The following KDSR variants were observed in gnomAD, a reference collection of about 807,000 sequenced individuals.
The protein encoded by KDSR is 3-dehydrosphinganine reductase.
KDSR carries 23 observed loss-of-function variants against 41.3 expected under a neutral mutation model. The ratio of observed to expected loss-of-function variants is 0.56; its 90% CI spans 0.40 to 0.79. The LOEUF is 0.79. Ranked by LOEUF, KDSR falls within the 30% of genes least tolerant of loss-of-function variation. KDSR has a pLI of 0.00. For missense variants in KDSR, 351 were observed against 416.8 expected (o/e 0.84, Z 1.37); for synonymous variants, 138 against 151.7 (o/e 0.91, Z 0.66).
chr18:63,353,641 T>C (rs1034158132), intron 5 of KDSR, among the ~76,000 whole-genome samples: 31 of 151,968 alleles, frequency 2.0e-4, no homozygotes, highest in African/African-American at 7.3e-4. Flanking sequence ...CAAAGGAATA[T>C]CACCACCCTA....
rs561402775 is a variant in KDSR at position 63,329,805 on chromosome 18, A to G, written c.*1977T>C. 1 of 194,966 alleles carries G rather than the reference A, an allele frequency of 5.1e-6. No homozygotes were observed. Among genetic ancestry groups the G allele is most frequent in the Non-Finnish European group, 1.1e-5 (1 of 93,702 alleles). 12.1% of individuals were successfully genotyped at this position (194,966 alleles called of 1,614,324 possible). ...CAGCAGTAGAAGGTGCCAACATTCG[A>G]GGAACATTTATGAGAAAAGAATAAA... is the stretch of plus-strand genomic sequence containing the variant. On this transcript the variant is annotated 3_prime_UTR_variant, in exon 10 of 10. Coordinates refer to ENST00000645214, the MANE Select transcript of KDSR (RefSeq NM_002035.4).
At position 63,355,237 on chromosome 18, in the gene KDSR, T is replaced by G. The variant is rs1197978980; in HGVS notation, c.384A>C (p.Gly128=). The change falls in exon 5 of 10, where the codon GGA becomes GGC. Residue 128 remains glycine (G), a synonymous_variant. Coordinates refer to ENST00000645214, the MANE Select transcript of KDSR (RefSeq NM_002035.4). ...LVNCAGMAVS[G]KFEDLEVSTF... ...TACTAACTTCAAGATCTTCAAATTT[T>G]CCTGACACTGCCATTCCTGCACAAT... The G allele has an allele frequency of 6.2e-7, 1 of 1,613,982 alleles. No individual in the cohort carries two copies. The highest frequency in any genetic ancestry group is 1.3e-5 in the African/African-American group (1 of 74,936).
chr18:63,332,157 C>T (rs898234233), intron 9 of KDSR, among the ~76,000 whole-genome samples: 1 of 152,172 alleles, frequency 6.6e-6, no homozygotes, highest in African/African-American at 2.4e-5. Context: ...ATATATATTG[C>T]TTGCAGTCTT....
At chr18:63,357,571 CAT>C (rs1174877359) in intron 3 of KDSR, among the ~76,000 whole-genome samples, 49 of 128,564 alleles carry the variant, frequency 3.8e-4, no homozygotes, top group Middle Eastern at 4.1e-3. Context: ...TACATACATA[CAT>C]ATATATATAT....
At chr18:63,335,567 A>G (rs1256372170) in intron 8 of KDSR, 4 of 519,590 alleles carry the variant, frequency 7.7e-6, no homozygotes, top group Non-Finnish European at 3.5e-6. Context: ...CGGGCCCCCA[A>G]GGACAAATGA....
At chr18:63,362,957 A>C in intron 1 of KDSR, 89 bp from the exon 2 acceptor site, 1 of 808,936 alleles carries the variant, frequency 1.2e-6, no homozygotes, top group Non-Finnish European at 2.1e-6. Flanking sequence ...AGGCTCTTAA[A>C]ATGAATCTAC....
chr18:63,350,933 T>A lies in KDSR; in HGVS notation c.564A>T (p.Ala188=). 6.2e-7 allele frequency: 1 copy of A among 1,614,048 alleles called. No homozygotes were observed. Among genetic ancestry groups the A allele is most frequent in the Non-Finnish European group, 8.5e-7 (1 of 1,179,962 alleles). ...CCAATCCCCTTATGGCAAACTTGGA[T>A]GCAGAGTAGGCTGTGAAACCGAATA... The part of the protein sequence containing the change: ...LGLFGFTAYS[A]SKFAIRGLAE... Residue 188 remains alanine (A), a synonymous_variant, in exon 6 of 10, where the codon GCA becomes GCT. Transcript: ENST00000645214.
chr18:63,363,203 TTTTC>T (rs1185230221), intron 1 of KDSR, among the ~76,000 whole-genome samples: 1 of 134,856 alleles, frequency 7.4e-6, no homozygotes, highest in African/African-American at 2.8e-5. Flanking sequence ...ATGAATCTTA[TTTTC>T]TTTTTTTTTT....
At chr18:63,364,477 TC>T (rs1915078289) in intron 1 of KDSR, among the ~76,000 whole-genome samples, 1 of 151,764 alleles carries the variant, frequency 6.6e-6, no homozygotes, top group Non-Finnish European at 1.5e-5. Context: ...ACAGTCTTGC[TC>T]AGTCACCCAG....
chr18:63,339,799 T>TTAGAAGTGTCAAATAATTTCAAG (rs1223385326), intron 7 of KDSR, among the ~76,000 whole-genome samples: 2 of 152,200 alleles, frequency 1.3e-5, no homozygotes, highest in East Asian at 3.9e-4. Context: ...TTAGTTTCAA[T>TTAGAAGTGTCAAATAATTTCAAG]TAGAAGTGTC....
At chr18:63,357,516 G>A (rs1490957755) in intron 3 of KDSR, among the ~76,000 whole-genome samples, 6 of 140,922 alleles carry the variant, frequency 4.3e-5, no homozygotes, top group African/African-American at 1.6e-4. Flanking sequence ...CAACATAAAT[G>A]AATTTTTAAA....
At chr18:63,366,332 T>C (rs751388600) in intron 1 of KDSR, 1 of 152,386 alleles carries the variant, frequency 6.6e-6, no homozygotes, top group African/African-American at 2.4e-5. Flanking sequence ...AAGGATTGCA[T>C]TGGAGCAGCA....
chr18:63,335,731 C>A lies in KDSR; in HGVS notation c.778-373G>T, dbSNP rs183914354. 3.1e-3 allele frequency: 495 copies of A among 159,494 alleles called. 4 individuals are homozygous for A. The highest frequency in any genetic ancestry group is 0.011 in the African/African-American group (459 of 41,836). The allele number at this position is 159,494 out of a possible 1,614,324, so 9.9% of individuals were successfully genotyped here. On this transcript the variant is annotated intron_variant, in intron 8 of 9. Coordinates refer to ENST00000645214, the MANE Select transcript of KDSR (RefSeq NM_002035.4). ...AGTCATTGTCACCTCTACTACCACACGCACTCGCAGTAATAAATAATACAC... is the reference window on the plus strand; with the variant it reads ...AGTCATTGTCACCTCTACTACCACAAGCACTCGCAGTAATAAATAATACAC...
chr18:63,343,761 A>C (rs1281034776), intron 7 of KDSR, among the ~76,000 whole-genome samples: 2 of 151,038 alleles, frequency 1.3e-5, no homozygotes, highest in African/African-American at 4.9e-5. Flanking sequence ...AAAAAAAAGC[A>C]GTATAAACAT....
At chr18:63,361,597 A>T (rs904394740) in intron 2 of KDSR, among the ~76,000 whole-genome samples, 1 of 151,846 alleles carries the variant, frequency 6.6e-6, no homozygotes, top group East Asian at 1.9e-4. Flanking sequence ...CGGGCGGATC[A>T]CAAGGTCAGG....
At chr18:63,353,896 G>A (rs1014081647) in intron 5 of KDSR, among the ~76,000 whole-genome samples, 1 of 152,106 alleles carries the variant, frequency 6.6e-6, no homozygotes, top group Non-Finnish European at 1.5e-5. Flanking sequence ...CTAGGCGGAG[G>A]GGGTGGGTGC....
chr18:63,337,994 A>G (rs1001430527), intron 8 of KDSR, among the ~76,000 whole-genome samples: 1 of 152,228 alleles, frequency 6.6e-6, no homozygotes. Context: ...CTTTGACCCG[A>G]GATAAGCAGG....
At chr18:63,365,725 G>A (rs943294317) in intron 1 of KDSR, among the ~76,000 whole-genome samples, 2 of 152,152 alleles carry the variant, frequency 1.3e-5, no homozygotes, top group African/African-American at 4.8e-5. Flanking sequence ...AAGGATCCAA[G>A]GTTTAAAGCC....
At chr18:63,335,016 T>G (rs559432680) in intron 9 of KDSR, among the ~76,000 whole-genome samples, 1 of 152,226 alleles carries the variant, frequency 6.6e-6, no homozygotes, top group Non-Finnish European at 1.5e-5. Context: ...CGGTGTTTTA[T>G]TTCTCTATCT....
Sources: allele counts gnomAD v4.1 joint callset (sites outside exome capture counted in the v4.1 genomes callset), GRCh38; gene constraint gnomAD v4.1.1; transcripts MANE v1.5; gene names NCBI Gene and HGNC (gene_info 2026-07-23, HGNC 2026-07-21).